The following CLSTN2 variants were observed in gnomAD, a reference collection of about 807,000 sequenced individuals.
CLSTN2 encodes the protein calsyntenin 2.
A neutral mutation model predicts 101.2 loss-of-function variants in CLSTN2; 48 were observed. The observed-to-expected ratio is 0.47, with a 90% CI of 0.38 to 0.60. The LOEUF is 0.60. CLSTN2 is among the 20% of genes least tolerant of loss of function. CLSTN2 has a pLI of 0.00. For synonymous variants in CLSTN2, 481 were observed against 463.6 expected (o/e 1.04, Z -0.48); for missense variants, 1,160 against 1,238.2 (o/e 0.94, Z 0.95).
At chr3:140,096,212 TCC>T (rs932281508) in intron 1 of CLSTN2, among the ~76,000 whole-genome samples, 1 of 152,118 alleles carries the variant, frequency 6.6e-6, no homozygotes, top group African/African-American at 2.4e-5. Context: ...TTTCATGCTG[TCC>T]CCAGCTCCCC....
chr3:140,257,561 G>GTGT (rs1553726036), intron 2 of CLSTN2, among the ~76,000 whole-genome samples: 112 of 93,060 alleles, frequency 1.2e-3, no homozygotes, highest in Middle Eastern at 4.4e-3. Flanking sequence ...TCTTTCTAGG[G>GTGT]GTGTGTGTGT....
intron 2 of CLSTN2, among the ~76,000 whole-genome samples, chr3:140,399,864 G>A (rs1398941770): frequency 2.0e-5 from 3 of 151,654 alleles, no homozygotes; most frequent in African/African-American, 7.3e-5. Context: ...TTGCCTCCCT[G>A]CCTCCCTCCC....
chr3:140,117,425 C>A (rs570118770), intron 1 of CLSTN2, among the ~76,000 whole-genome samples: 104 of 152,284 alleles, frequency 6.8e-4, no homozygotes, highest in African/African-American at 2.4e-3. Flanking sequence ...TAAAACAGAG[C>A]TAACAGTACC....
intron 1 of CLSTN2, among the ~76,000 whole-genome samples, chr3:140,171,320 G>C (rs1167552716): frequency 6.6e-6 from 1 of 152,022 alleles, no homozygotes; most frequent in Non-Finnish European, 1.5e-5. Context: ...TGTAAAAATG[G>C]GTTTCAGGGG....
intron 1 of CLSTN2, among the ~76,000 whole-genome samples, chr3:140,054,240 T>C (rs2008055357): frequency 6.6e-6 from 1 of 152,126 alleles, no homozygotes; most frequent in African/African-American, 2.4e-5. Context: ...AGGCTGGGCA[T>C]TTATCAAGTA....
chr3:140,097,785 G>C (rs2008896043), intron 1 of CLSTN2, among the ~76,000 whole-genome samples: 2 of 152,136 alleles, frequency 1.3e-5, no homozygotes, highest in South Asian at 2.1e-4. Context: ...TATTGTCACA[G>C]GTGTTTGGAG....
chr3:140,055,289 G>A (rs1243577047), intron 1 of CLSTN2, among the ~76,000 whole-genome samples: 1 of 152,162 alleles, frequency 6.6e-6, no homozygotes, highest in African/African-American at 2.4e-5. Flanking sequence ...CTCCCTTGAG[G>A]AAGCCTAGGA....
At chr3:140,469,147 C>T (rs1933776649) in intron 8 of CLSTN2, among the ~76,000 whole-genome samples, 1 of 152,158 alleles carries the variant, frequency 6.6e-6, no homozygotes, top group Non-Finnish European at 1.5e-5. Context: ...CCTCATTTAA[C>T]CTTAATTACC....
intron 5 of CLSTN2, among the ~76,000 whole-genome samples, chr3:140,422,770 G>A (rs1052962010): frequency 1.4e-4 from 22 of 152,088 alleles, no homozygotes; most frequent in Admixed American, 1.2e-3. Context: ...CACTAGACCC[G>A]AGGACCCTGC....
chr3:140,262,745 T>C (rs2086664338), intron 2 of CLSTN2, among the ~76,000 whole-genome samples: 1 of 152,106 alleles, frequency 6.6e-6, no homozygotes, highest in Admixed American at 6.5e-5. Flanking sequence ...TGGGAAATGA[T>C]GAGAGTAAAG....
At chr3:140,528,110 A>AATTT (rs1935180099) in intron 8 of CLSTN2, among the ~76,000 whole-genome samples, 1 of 152,114 alleles carries the variant, frequency 6.6e-6, no homozygotes, top group Non-Finnish European at 1.5e-5. Flanking sequence ...CTTTCTCCTT[A>AATTT]ATTTTCTAAT....
intron 2 of CLSTN2, among the ~76,000 whole-genome samples, chr3:140,238,966 A>G (rs2086438227): frequency 6.6e-6 from 1 of 152,216 alleles, no homozygotes; most frequent in Non-Finnish European, 1.5e-5. Context: ...AAGGAAAGTT[A>G]GATTGCTCAG....
At chr3:140,263,913 T>C (rs1269047463) in intron 2 of CLSTN2, among the ~76,000 whole-genome samples, 1 of 152,200 alleles carries the variant, frequency 6.6e-6, no homozygotes, top group Non-Finnish European at 1.5e-5. Flanking sequence ...AATATTTTCA[T>C]TCCCTATTGT....
chr3:140,167,010 G>A (rs545078998), intron 1 of CLSTN2, among the ~76,000 whole-genome samples: 4 of 152,278 alleles, frequency 2.6e-5, no homozygotes, highest in African/African-American at 7.2e-5. Context: ...TTCAGGGAGG[G>A]AACATCAGGC....
intron 2 of CLSTN2, among the ~76,000 whole-genome samples, chr3:140,195,705 G>C (rs1194197414): frequency 6.6e-6 from 1 of 152,118 alleles, no homozygotes; most frequent in Admixed American, 6.6e-5. Context: ...TGTAGAAAAA[G>C]AGTTTACAGA....
intron 9 of CLSTN2, among the ~76,000 whole-genome samples, chr3:140,533,174 C>T (rs892364869): frequency 1.6e-4 from 25 of 152,284 alleles, no homozygotes; most frequent in Non-Finnish European, 3.4e-4. Flanking sequence ...TCCAAGCATG[C>T]GTGTGATCTT....
intron 2 of CLSTN2, among the ~76,000 whole-genome samples, chr3:140,333,087 AC>A (rs1022154095): frequency 2.4e-4 from 36 of 152,010 alleles, no homozygotes; most frequent in Admixed American, 1.8e-3. Context: ...ACTGAGTAGG[AC>A]CCCAGGTGGA....
At chr3:140,470,347 G>T (rs893752788) in intron 8 of CLSTN2, among the ~76,000 whole-genome samples, 1 of 152,266 alleles carries the variant, frequency 6.6e-6, no homozygotes, top group Non-Finnish European at 1.5e-5. Flanking sequence ...CGGATCAGGG[G>T]AGTCTGTGGA....
chr3:140,002,945 A>G (rs931041482), intron 1 of CLSTN2, among the ~76,000 whole-genome samples: 4 of 152,314 alleles, frequency 2.6e-5, no homozygotes, highest in South Asian at 2.1e-4. Context: ...TGCCAGTACC[A>G]TGCTGTTTTG....
Sources: allele counts gnomAD v4.1 joint callset (sites outside exome capture counted in the v4.1 genomes callset), GRCh38; gene constraint gnomAD v4.1.1; transcripts MANE v1.5; gene names NCBI Gene and HGNC (gene_info 2026-07-23, HGNC 2026-07-21).